Variants in SORCS2 observed in about 807,000 individuals in gnomAD.
SORCS2 encodes the protein sortilin related VPS10 domain containing receptor 2, also known as VPS10 domain-containing receptor SorCS2.
In SORCS2, 100 loss-of-function variants were observed where a neutral mutation model predicts 141.6. The observed-to-expected ratio is 0.71, with a 90% CI of 0.60 to 0.83. The LOEUF is 0.83. Among genes scored for constraint, SORCS2 ranks in the 40% least tolerant of loss-of-function variants. The pLI is 0.00. For synonymous variants in SORCS2, 789 were observed against 676.9 expected, an observed-to-expected ratio of 1.17 and a Z score of -2.57; for missense variants, 1,646 against 1,560.2, an observed-to-expected ratio of 1.05 and a Z score of -0.93.
intron 2 of SORCS2, among the ~76,000 whole-genome samples, chr4:7,479,146 C>T (rs1730475661): frequency 6.6e-6 from 1 of 151,280 alleles, no homozygotes; most frequent in Non-Finnish European, 1.5e-5. Flanking sequence ...TCGGGAGGAG[C>T]CAAACGCCAG....
At chr4:7,641,851 AATGG>A (rs1367475368) in intron 4 of SORCS2, among the ~76,000 whole-genome samples, 2 of 130,458 alleles carry the variant, frequency 1.5e-5, no homozygotes, top group African/African-American at 6.0e-5. Context: ...GATGGGGATG[AATGG>A]ATGGATGGGT....
intron 2 of SORCS2, among the ~76,000 whole-genome samples, chr4:7,418,702 A>ACCCCCCCCC (rs67571622): frequency 2.1e-5 from 2 of 95,562 alleles, no homozygotes; most frequent in Non-Finnish European, 4.4e-5. Flanking sequence ...GTAACAAATG[A>ACCCCCCCCC]CCCCCCCCCC....
At chr4:7,671,000 TC>T (rs1722766828) in intron 8 of SORCS2, among the ~76,000 whole-genome samples, 1 of 152,248 alleles carries the variant, frequency 6.6e-6, no homozygotes, top group East Asian at 1.9e-4. Context: ...CTTTTATTTT[TC>T]CCCCTTTTCC....
chr4:7,473,287 C>T (rs1458394722), intron 2 of SORCS2, among the ~76,000 whole-genome samples: 1 of 152,004 alleles, frequency 6.6e-6, no homozygotes, highest in African/African-American at 2.4e-5. Context: ...GCGGGAGGGG[C>T]TGAGAGGAGA....
At position 7,724,628 on chromosome 4, in the gene SORCS2, T is replaced by C. The variant is rs1256415559; in HGVS notation, c.2612-526T>C. On this transcript the variant is annotated intron_variant, in intron 19 of 26. Coordinates refer to ENST00000507866, the MANE Select transcript of SORCS2 (RefSeq NM_020777.3). ...GTGATAGTGCTGGTGAGGATGGTGA[T>C]GGTGGTGATGGTGGAGGTGATGGTG... Among the ~76,000 whole-genome samples the C allele has an allele frequency of 1.3e-3, 125 of 96,576 alleles. 9 individuals are homozygous for C. Among genetic ancestry groups the C allele is most frequent in the African/African-American group, 4.9e-3 (118 of 24,310 alleles). The allele number at this position is 96,576 out of a possible 152,430, so 63.4% of individuals were successfully genotyped here.
intron 2 of SORCS2, among the ~76,000 whole-genome samples, chr4:7,492,147 G>C (rs1402306355): frequency 6.6e-6 from 1 of 152,204 alleles, no homozygotes; most frequent in Non-Finnish European, 1.5e-5. Flanking sequence ...CAGCAGGCCC[G>C]ACAGCCTGGC....
intron 3 of SORCS2, among the ~76,000 whole-genome samples, chr4:7,593,646 C>G (rs1717062310): frequency 6.6e-6 from 1 of 151,998 alleles, no homozygotes; most frequent in African/African-American, 2.4e-5. Context: ...CGAAACCTGG[C>G]CAACCTGGGG....
At chr4:7,359,490 T>G (rs1721453065) in intron 1 of SORCS2, among the ~76,000 whole-genome samples, 1 of 152,142 alleles carries the variant, frequency 6.6e-6, no homozygotes, top group South Asian at 2.1e-4. Context: ...GGAGCTGCTG[T>G]TTGTTTAATT....
intron 1 of SORCS2, among the ~76,000 whole-genome samples, chr4:7,346,541 T>A (rs1720663555): frequency 6.6e-6 from 1 of 152,228 alleles, no homozygotes; most frequent in South Asian, 2.1e-4. Flanking sequence ...TTTATAAATG[T>A]CAACTAGGTT....
chr4:7,486,127 C>T (rs1375469674), intron 2 of SORCS2, among the ~76,000 whole-genome samples: 1 of 152,154 alleles, frequency 6.6e-6, no homozygotes, highest in African/African-American at 2.4e-5. Flanking sequence ...GCTGGAGCCC[C>T]TCGTGCGCGT....
chr4:7,539,777 C>A (rs1027459195), intron 3 of SORCS2, among the ~76,000 whole-genome samples: 13 of 151,138 alleles, frequency 8.6e-5, no homozygotes, highest in Admixed American at 2.6e-4. Context: ...GGCCCCACCC[C>A]TTCCTGTTGT....
intron 2 of SORCS2, among the ~76,000 whole-genome samples, chr4:7,436,393 G>T (rs1160273792): frequency 2.0e-5 from 3 of 152,246 alleles, no homozygotes; most frequent in Non-Finnish European, 4.4e-5. Context: ...TTGGGCACCA[G>T]GCTGAAGCAA....
At chr4:7,570,328 A>G (rs1422058804) in intron 3 of SORCS2, among the ~76,000 whole-genome samples, 1 of 152,096 alleles carries the variant, frequency 6.6e-6, no homozygotes, top group Admixed American at 6.5e-5. Flanking sequence ...GGCAACCTCC[A>G]CTCATGACGG....
intron 25 of SORCS2, among the ~76,000 whole-genome samples, chr4:7,736,502 C>T (rs530421134): frequency 1.3e-5 from 2 of 152,312 alleles, no homozygotes; most frequent in African/African-American, 2.4e-5. Context: ...TTTGATTGGA[C>T]TAAGTGGGGT....
At position 7,221,762 on chromosome 4, in the gene SORCS2, C is replaced by T. The variant is rs1170286788; in HGVS notation, c.480+28636C>T. Reference sequence around the variant, plus strand: ...AGCGGGCAGCTCATTCTGTAGGAGGCCCAGGCAGGCTTCCTGGAAGAGGAA... The same window carrying T: ...AGCGGGCAGCTCATTCTGTAGGAGGTCCAGGCAGGCTTCCTGGAAGAGGAA... On this transcript the variant is annotated intron_variant, in intron 1 of 26. Coordinates refer to ENST00000507866, the MANE Select transcript of SORCS2 (RefSeq NM_020777.3). 3.9e-5 allele frequency among the ~76,000 whole-genome samples: 6 copies of T among 152,322 alleles called. No homozygotes were observed. The East Asian group carries it at 1.2e-3, about 29-fold the overall frequency.
chr4:7,360,774 G>A (rs1404695279), intron 1 of SORCS2, among the ~76,000 whole-genome samples: 3 of 151,144 alleles, frequency 2.0e-5, no homozygotes, highest in Non-Finnish European at 3.0e-5. Flanking sequence ...TTATAGAGAC[G>A]GGGTTTCACC....
At chr4:7,572,980 T>C (rs1185456154) in intron 3 of SORCS2, among the ~76,000 whole-genome samples, 2 of 152,228 alleles carry the variant, frequency 1.3e-5, no homozygotes, top group Non-Finnish European at 2.9e-5. Context: ...CGTCATAGTC[T>C]AAATCCCTTT....
chr4:7,607,128 T>C (rs1367374390), intron 3 of SORCS2, among the ~76,000 whole-genome samples: 1 of 152,240 alleles, frequency 6.6e-6, no homozygotes, highest in Admixed American at 6.5e-5. Context: ...TAGTATTTCA[T>C]TGACTTCATG....
chr4:7,561,038 A>T (rs1714500327), intron 3 of SORCS2, among the ~76,000 whole-genome samples: 1 of 151,990 alleles, frequency 6.6e-6, no homozygotes, highest in African/African-American at 2.4e-5. Context: ...TCTTGACTGG[A>T]CCCCAGGCCC....
Sources: gnomAD v4.1 joint callset for allele counts (sites outside exome capture counted in the v4.1 genomes callset) on GRCh38, gnomAD v4.1.1 for gene constraint, MANE v1.5 for transcripts, NCBI Gene and HGNC (gene_info 2026-07-23, HGNC 2026-07-21) for gene names.